Variants in PMPCB observed in about 807,000 individuals in gnomAD.
The protein encoded by PMPCB is mitochondrial-processing peptidase subunit beta.
In PMPCB, 46 loss-of-function variants were observed where a neutral mutation model predicts 61.5. The observed-to-expected ratio is 0.75, with a 90% CI of 0.59 to 0.96. The LOEUF is 0.96. Among genes scored for constraint, PMPCB ranks in the 40% least tolerant of loss-of-function variants. PMPCB has a pLI of 0.00. For missense variants in PMPCB, 590 were observed against 602.4 expected (o/e 0.98, Z 0.22); for synonymous variants, 191 against 201.6 (o/e 0.95, Z 0.44).
Position 103,308,975 on chromosome 7 carries a change from G to A in PMPCB, c.873G>A (p.Met291Ile), listed in dbSNP as rs1817663810. Reference protein sequence around the residue: ...GSEIRVRDDKMPLAHLAIAVE... With the variant: ...GSEIRVRDDKIPLAHLAIAVE... ...AGATTCGTGTGAGGGATGACAAGAT[G>A]CCTTTGGCGCACCTTGCAATAGCTG... The change falls in exon 8 of 13, where the codon ATG becomes ATA. Residue 291 changes from methionine to isoleucine, a missense_variant. Coordinates refer to ENST00000249269, the MANE Select transcript of PMPCB (RefSeq NM_004279.3). The A allele has an allele frequency of 6.3e-7, 1 of 1,596,464 alleles. No individual in the cohort carries two copies. Among genetic ancestry groups the A allele is most frequent in the Non-Finnish European group, 8.5e-7 (1 of 1,171,314 alleles).
At chr7:103,325,345 G>A (rs1473791553) in intron 12 of PMPCB, among the ~76,000 whole-genome samples, 1 of 152,022 alleles carries the variant, frequency 6.6e-6, no homozygotes, top group Non-Finnish European at 1.5e-5. Flanking sequence ...GCTGAGGCAG[G>A]AGAATTGCTT....
rs763663536 is a variant in PMPCB, at chr7:103,303,866, T to C, written c.482T>C (p.Ile161Thr). Reference protein sequence around the residue: ...PRAVEILADIIQNSTLGEAEI... With the variant: ...PRAVEILADITQNSTLGEAEI... ...GCTGTAGAAATTCTTGCTGATATAATACAAAACAGCACATTGGGAGAAGCA... is the reference window on the plus strand; with the variant it reads ...GCTGTAGAAATTCTTGCTGATATAACACAAAACAGCACATTGGGAGAAGCA... The change falls in exon 5 of 13, where the codon ATA becomes ACA. Residue 161 changes from isoleucine (I) to threonine (T), a missense_variant. Ile to Thr is a moderately conservative substitution (Grantham distance 89, BLOSUM62 -1). Coordinates refer to ENST00000249269, the MANE Select transcript of PMPCB (RefSeq NM_004279.3). 2.5e-6 allele frequency: 4 copies of C among 1,612,382 alleles called. No individual in the cohort carries two copies. Among genetic ancestry groups the C allele is most frequent in the Non-Finnish European group, 3.4e-6 (4 of 1,178,846 alleles).
chr7:103,333,413 AT>A (rs1444941510), downstream of PMPCB, among the ~76,000 whole-genome samples: 9 of 152,186 alleles, frequency 5.9e-5, no homozygotes, highest in African/African-American at 9.6e-5. Context: ...TATTAGCATA[AT>A]TTTTATTTCT....
rs934745053 is a variant in PMPCB, at chr7:103,314,499, C to T, written c.*2228C>T. 10 of 985,264 alleles carry T rather than the reference C, an allele frequency of 1.0e-5. No individual in the cohort carries two copies. The African/African-American group carries it at 1.0e-4, about 10-fold the overall frequency. The allele number at this position is 985,264 out of a possible 1,614,324, so 61.0% of individuals were successfully genotyped here. A position where few individuals can be genotyped will look rare whatever the true frequency, so the allele number is the denominator to read the frequency against. On this transcript the variant is annotated 3_prime_UTR_variant, in exon 13 of 13. Coordinates refer to ENST00000249269, the MANE Select transcript of PMPCB (RefSeq NM_004279.3). ...CAGACTGGACAAATATCAGGGCCCA[C>T]CTCCCTCCAACATGGAAACAAGTCC...
chr7:103,344,355 G>C, the PMPCB span: 6 of 601,446 alleles, frequency 1.0e-5, no homozygotes, highest in Non-Finnish European at 1.8e-5. Context: ...AGGAGCAAAA[G>C]GAAGGCACCC....
In PMPCB at chr7:103,314,636, C is replaced by A. The variant is rs897533603; in HGVS notation, c.*2365C>A. ...AAGTGTCTTTCAGGTGTTCTGAAACCCTGCCTTGTTACTTACCTTTATTAA... is the reference window on the plus strand; with the variant it reads ...AAGTGTCTTTCAGGTGTTCTGAAACACTGCCTTGTTACTTACCTTTATTAA... On this transcript the variant is annotated 3_prime_UTR_variant, in exon 13 of 13. Coordinates refer to ENST00000249269, the MANE Select transcript of PMPCB (RefSeq NM_004279.3). The A allele has an allele frequency of 1.0e-6, 1 of 985,292 alleles. No individual in the cohort carries two copies. The highest frequency in any genetic ancestry group is 1.2e-6 in the Non-Finnish European group (1 of 829,874). 61.0% of individuals were successfully genotyped at this position (985,292 alleles called of 1,614,324 possible). A position where few individuals can be genotyped will look rare whatever the true frequency, so the allele number is the denominator to read the frequency against.
At chr7:103,303,773 G>T in intron 4 of PMPCB, 69 bp from the exon 5 acceptor site, 1 of 1,056,480 alleles carries the variant, frequency 9.5e-7, no homozygotes, top group Non-Finnish European at 1.4e-6. Flanking sequence ...TTCTGATTTT[G>T]GTTTAATAGA....
At chr7:103,297,976 A>AT in intron 1 of PMPCB, 1 of 1,178,774 alleles carries the variant, frequency 8.5e-7, no homozygotes, top group South Asian at 1.6e-5. Context: ...ATGTATTTGC[A>AT]TTTTTCTCAT....
chr7:103,329,445 C>T (rs533218498), exon 13 of PMPCB: 63 of 152,366 alleles, frequency 4.1e-4, no homozygotes, highest in African/African-American at 1.5e-3. Context: ...AATTTTTCCC[C>T]GTTTTGTTAA....
intron 12 of PMPCB, chr7:103,323,607 T>C: frequency 6.8e-7 from 1 of 1,468,198 alleles, no homozygotes; most frequent in Admixed American, 2.0e-5. Context: ...CCATTCTGCT[T>C]TTTCTTTTTC....
exon 13 of PMPCB, chr7:103,328,980 TTC>T: frequency 3.1e-6 from 4 of 1,277,762 alleles, no homozygotes; most frequent in Non-Finnish European, 4.1e-6. Flanking sequence ...ACAAGTTATT[TTC>T]CAAAAGGCAA....
At position 103,297,542 on chromosome 7, in the gene PMPCB, G is replaced by A. The variant is rs749629917; in HGVS notation, c.83G>A (p.Arg28Gln). 44 of 1,609,652 alleles carry A rather than the reference G, an allele frequency of 2.7e-5. No individual in the cohort carries two copies. The highest frequency in any genetic ancestry group is 3.7e-5 in the Non-Finnish European group (44 of 1,177,430). Residue 28 changes from arginine (R) to glutamine (Q), a missense_variant, in exon 1 of 13, where the codon CGA becomes CAA. Coordinates refer to ENST00000249269, the MANE Select transcript of PMPCB (RefSeq NM_004279.3). ...GGTTTCAGCGAGAGTCTTCTAATCCGAGGCGCTGCGGGACGGGTGAGCTTC... is the reference window on the plus strand; with the variant it reads ...GGTTTCAGCGAGAGTCTTCTAATCCAAGGCGCTGCGGGACGGGTGAGCTTC... ...LWGFSESLLIRGAAGRSLYFG... is the reference protein window; with the variant it reads ...LWGFSESLLIQGAAGRSLYFG...
chr7:103,321,842 C>A, intron 12 of PMPCB: 1 of 1,439,742 alleles, frequency 6.9e-7, no homozygotes, highest in Non-Finnish European at 9.5e-7. Context: ...AGCGAGACCC[C>A]ATCTAAAAAA....
At chr7:103,318,175 G>GTT (rs113906075), downstream of PMPCB, among the ~76,000 whole-genome samples, 204 of 150,092 alleles carry the variant, frequency 1.4e-3, 7 homozygotes, top group East Asian at 0.037. Flanking sequence ...TTTTTTGTCT[G>GTT]TTTTTTTTGA....
chr7:103,315,632 G>A, downstream of PMPCB: 1 of 583,844 alleles, frequency 1.7e-6, no homozygotes, highest in Admixed American at 3.3e-5. Context: ...CCCTGGAAAT[G>A]TTTGCTTACA....
intron 12 of PMPCB, among the ~76,000 whole-genome samples, chr7:103,326,081 C>G (rs916390404): frequency 6.6e-6 from 1 of 152,034 alleles, no homozygotes; most frequent in Non-Finnish European, 1.5e-5. Flanking sequence ...TGGGTTCAAG[C>G]AAAACTCCCG....
At chr7:103,304,294 T>C in intron 5 of PMPCB, 117 bp from the exon 6 acceptor site, 1 of 703,936 alleles carries the variant, frequency 1.4e-6, no homozygotes, top group South Asian at 1.6e-5. Flanking sequence ...GTTGCCTGTA[T>C]CCTATTTCTG....
chr7:103,304,377 G>C (rs1233267816), intron 5 of PMPCB, 34 bp from the exon 6 acceptor site: 1 of 1,235,142 alleles, frequency 8.1e-7, no homozygotes, highest in Non-Finnish European at 1.2e-6. Context: ...TTTTTTTTTG[G>C]TTTCCTTTAA....
At chr7:103,338,140 T>C in the PMPCB span, among the ~76,000 whole-genome samples, 8 of 151,952 alleles carry the variant, frequency 5.3e-5, no homozygotes, top group Admixed American at 4.6e-4. Context: ...TGTGGTGGTG[T>C]GCACCTGTAG....
Sources: gnomAD v4.1 joint callset for allele counts (sites outside exome capture counted in the v4.1 genomes callset) on GRCh38, gnomAD v4.1.1 for gene constraint, MANE v1.5 for transcripts, NCBI Gene and HGNC (gene_info 2026-07-23, HGNC 2026-07-21) for gene names.